TNNI3K: variants seen among roughly 807,000 people sequenced by gnomAD.
The protein encoded by TNNI3K is TNNI3 interacting kinase.
Under a neutral mutation model 114.5 loss-of-function variants are expected in TNNI3K, and 140 were observed. That is an observed-to-expected ratio of 1.22 (90% CI 1.07 to 1.41). The LOEUF (loss-of-function observed/expected upper bound fraction) is 1.41, where lower values mean the gene tolerates loss of function less well. Among genes scored for constraint, TNNI3K ranks in the 40% most tolerant of loss-of-function variants. The pLI is 0.00. For missense variants in TNNI3K, 1,125 were observed against 1,007.6 expected (o/e 1.12, Z -1.58); for synonymous variants, 347 against 347.5 (o/e 1.00, Z 0.02).
At chr1:74,386,268 A>G (rs1428491729) in intron 17 of TNNI3K, among the ~76,000 whole-genome samples, 1 of 152,102 alleles carries the variant, frequency 6.6e-6, no homozygotes, top group African/African-American at 2.4e-5. Context: ...TCATCAAACA[A>G]CTGGTAGATT....
At chr1:74,343,450 A>G (rs1164000599) in intron 9 of TNNI3K, among the ~76,000 whole-genome samples, 2 of 152,216 alleles carry the variant, frequency 1.3e-5, no homozygotes, top group African/African-American at 2.4e-5. Context: ...CCAAGGCAAC[A>G]GGCATATCAA....
At chr1:74,433,932 TTTG>T (rs146857798) in intron 17 of TNNI3K, among the ~76,000 whole-genome samples, 1,837 of 152,056 alleles carry the variant, frequency 0.012, 38 homozygotes, top group African/African-American at 0.041. Flanking sequence ...TATCTTTGTT[TTTG>T]TTGTTGTTGT....
intron 5 of TNNI3K, among the ~76,000 whole-genome samples, chr1:74,304,566 C>T (rs1658511927): frequency 6.6e-6 from 1 of 152,108 alleles, no homozygotes; most frequent in Non-Finnish European, 1.5e-5. Context: ...ACTCAGCTTC[C>T]AGAGTAGCTA....
chr1:74,396,693 A>G (rs548166251), intron 17 of TNNI3K, among the ~76,000 whole-genome samples: 4 of 152,222 alleles, frequency 2.6e-5, no homozygotes, highest in African/African-American at 9.6e-5. Flanking sequence ...ATGGGTTCAA[A>G]TACAAGTCCT....
At chr1:74,397,769 T>C (rs1664158898) in intron 17 of TNNI3K, among the ~76,000 whole-genome samples, 1 of 152,210 alleles carries the variant, frequency 6.6e-6, no homozygotes, top group South Asian at 2.1e-4. Context: ...TATGTTATGA[T>C]AGCATAACAC....
chr1:74,480,489 G>A (rs61729317), intron 21 of TNNI3K: 487 of 717,460 alleles, frequency 6.8e-4, no homozygotes, highest in African/African-American at 6.2e-3. Context: ...AACCTATTTC[G>A]GGAAAGGTCC....
rs144296447 is a variant in TNNI3K at position 74,521,107 on chromosome 1, A to G, written c.2352-19127A>G. Among the ~76,000 whole-genome samples, 605 of 152,252 alleles carry G rather than the reference A, an allele frequency of 4.0e-3. 6 individuals are homozygous for G. Among genetic ancestry groups the G allele is most frequent in the African/African-American group, 0.014 (572 of 41,560 alleles). On this transcript the variant is annotated intron_variant, in intron 23 of 24. Coordinates refer to ENST00000326637, the MANE Select transcript of TNNI3K (RefSeq NM_015978.3). ...AGCTTCAACTTCAGAATATTTTTAG[A>G]TAATGTCCTCTCTCCATCACCACAG...
At chr1:74,258,744 AC>A (rs1459653461) in intron 4 of TNNI3K, among the ~76,000 whole-genome samples, 8 of 152,290 alleles carry the variant, frequency 5.3e-5, no homozygotes, top group Admixed American at 5.2e-4. Context: ...TTCTGGAATC[AC>A]TTTCCATACT....
chr1:74,469,717 A>G (rs1282517064), intron 21 of TNNI3K, among the ~76,000 whole-genome samples: 1 of 152,170 alleles, frequency 6.6e-6, no homozygotes, highest in Non-Finnish European at 1.5e-5. Context: ...TTTGTCATAT[A>G]TTCAACTCTG....
intron 23 of TNNI3K, among the ~76,000 whole-genome samples, chr1:74,520,119 G>A (rs1253831670): frequency 6.6e-6 from 1 of 151,532 alleles, no homozygotes; most frequent in Non-Finnish European, 1.5e-5. Flanking sequence ...AGTATATGCT[G>A]AACCCAATTT....
At chr1:74,378,059 C>T (rs1373062218) in intron 17 of TNNI3K, among the ~76,000 whole-genome samples, 2 of 151,992 alleles carry the variant, frequency 1.3e-5, no homozygotes, top group East Asian at 3.9e-4. Flanking sequence ...ATCTCCTCAG[C>T]ATGAGAAATA....
intron 17 of TNNI3K, 31 bp downstream of exon 17, chr1:74,370,423 G>A: frequency 5.1e-6 from 8 of 1,570,656 alleles, no homozygotes; most frequent in African/African-American, 1.4e-5. Flanking sequence ...GAACTCAGAA[G>A]GGTATGACTA....
At chr1:74,419,039 G>T (rs751834036) in intron 17 of TNNI3K, among the ~76,000 whole-genome samples, 1 of 151,966 alleles carries the variant, frequency 6.6e-6, no homozygotes, top group South Asian at 2.1e-4. Context: ...TGTGGCTTTC[G>T]TAACAAATTA....
intron 5 of TNNI3K, among the ~76,000 whole-genome samples, chr1:74,280,938 G>T (rs1014932069): frequency 6.6e-6 from 1 of 152,158 alleles, no homozygotes; most frequent in African/African-American, 2.4e-5. Context: ...GGAGAAGGAA[G>T]AGTATAGAGG....
intron 4 of TNNI3K, among the ~76,000 whole-genome samples, chr1:74,253,194 T>C (rs1655054360): frequency 6.6e-6 from 1 of 152,224 alleles, no homozygotes; most frequent in African/African-American, 2.4e-5. Context: ...TACAGAGTGC[T>C]GATTGGCATA....
chr1:74,280,579 TAGTG>T (rs1259193886), intron 5 of TNNI3K, among the ~76,000 whole-genome samples: 1 of 152,026 alleles, frequency 6.6e-6, no homozygotes, highest in Non-Finnish European at 1.5e-5. Context: ...TGGCCTATCA[TAGTG>T]AAAAACAATA....
At chr1:74,350,247 A>G (rs1377390659) in intron 9 of TNNI3K, among the ~76,000 whole-genome samples, 4 of 152,100 alleles carry the variant, frequency 2.6e-5, no homozygotes, top group Non-Finnish European at 5.9e-5. Flanking sequence ...GTCATTCAGG[A>G]GCAGGTTGTT....
chr1:74,338,020 T>C (rs1328029689), intron 7 of TNNI3K, among the ~76,000 whole-genome samples: 2 of 152,094 alleles, frequency 1.3e-5, no homozygotes, highest in African/African-American at 4.8e-5. Flanking sequence ...TTCACGTCTT[T>C]TTGTGGACAT....
intron 23 of TNNI3K, among the ~76,000 whole-genome samples, chr1:74,528,971 A>T (rs1037140256): frequency 6.6e-6 from 1 of 152,228 alleles, no homozygotes; most frequent in Admixed American, 6.5e-5. Context: ...AGATGGTGAC[A>T]TAACAAAGGA....
Sources: gnomAD v4.1 joint callset for allele counts (sites outside exome capture counted in the v4.1 genomes callset) on GRCh38, gnomAD v4.1.1 for gene constraint, MANE v1.5 for transcripts, NCBI Gene and HGNC (gene_info 2026-07-23, HGNC 2026-07-21) for gene names.